The following ZNF524 variants were observed in gnomAD, a reference collection of about 807,000 sequenced individuals.
ZNF524 encodes zinc finger protein 524.
For missense variants in ZNF524, 388 were observed against 380.1 expected (o/e 1.02, Z -0.17); for synonymous variants, 194 against 166.3 (o/e 1.17, Z -1.28).
In ZNF524 at chr19:55,602,772, G is replaced by A. The variant is rs1245704248; in HGVS notation, c.660G>A (p.Lys220=). Reference sequence around the variant, plus strand: ...CGCTCCGGCGCCATGCGAAGCGCAAGCACCCGGAGGCCATGGGGGTACCCC... The same window carrying A: ...CGCTCCGGCGCCATGCGAAGCGCAAACACCCGGAGGCCATGGGGGTACCCC... ...ANTLRRHAKR[K]HPEAMGVPLC... is the part of the protein sequence containing the mutation. The change falls in exon 2 of 2, where the codon AAG becomes AAA. Residue 220 remains lysine (K), a synonymous_variant. Coordinates refer to ENST00000301073, the MANE Select transcript of ZNF524 (RefSeq NM_153219.4). The A allele has an allele frequency of 3.7e-6, 6 of 1,610,350 alleles. No homozygotes were observed. The highest frequency in any genetic ancestry group is 5.1e-6 in the Non-Finnish European group (6 of 1,179,860).
In ZNF524 at chr19:55,603,096, C is replaced by A. The variant is rs779944654; in HGVS notation, c.*189C>A. 38 of 664,338 alleles carry A rather than the reference C, an allele frequency of 5.7e-5. No individual in the cohort carries two copies. Among genetic ancestry groups the A allele is most frequent in the Non-Finnish European group, 4.9e-5 (19 of 388,988 alleles). 41.2% of individuals were successfully genotyped at this position (664,338 alleles called of 1,614,324 possible). The stretch of plus-strand genomic sequence containing the variant: ...GCCCCCCTCCCCCAGACTAACAGAC[C>A]CTTGGAGGCAGGGGCTGTGGAAATA... On this transcript the variant is annotated 3_prime_UTR_variant, in exon 2 of 2. Transcript: ENST00000301073.
rs1290154786 is a variant in ZNF524, at chr19:55,602,420, G to T, written c.308G>T (p.Gly103Val). 3.8e-6 allele frequency: 6 copies of T among 1,591,484 alleles called. No homozygotes were observed. The South Asian group carries it at 5.7e-5, about 15-fold the overall frequency. The change falls in exon 2 of 2, where the codon GGG becomes GTG. Residue 103 changes from glycine to valine, a missense_variant. Transcript: ENST00000301073. ...ACGGTCTCTGAAGGTTCAGCGGCTG[G>T]GCCTGAGGGCTCTGGCCCCAGGAAG... Reference protein sequence around the residue: ...PYTVSEGSAAGPEGSGPRKAP... With the variant: ...PYTVSEGSAAVPEGSGPRKAP...
rs562447509 is a variant in ZNF524 at position 55,602,658 on chromosome 19, G to A, written c.546G>A (p.Ala182=). The change falls in exon 2 of 2, where the codon GCG becomes GCA. Residue 182 remains alanine, a synonymous_variant. Transcript: ENST00000301073. ...CPLCPRRFRE[A]GELAHHHRVH... ...TGTGCCCCCGCCGCTTCCGCGAGGCGGGCGAGCTGGCGCACCACCACCGCG... is the reference window on the plus strand; with the variant it reads ...TGTGCCCCCGCCGCTTCCGCGAGGCAGGCGAGCTGGCGCACCACCACCGCG... 5 of 1,594,078 alleles carry A rather than the reference G, an allele frequency of 3.1e-6. No individual in the cohort carries two copies. The highest frequency in any genetic ancestry group is 2.6e-6 in the Non-Finnish European group (3 of 1,175,990).
At position 55,602,748 on chromosome 19, in the gene ZNF524, G is replaced by T. The variant is rs925661964; in HGVS notation, c.636G>T (p.Thr212=). The T allele has an allele frequency of 3.1e-6, 5 of 1,608,282 alleles. No individual in the cohort carries two copies. Among genetic ancestry groups the T allele is most frequent in the Non-Finnish European group, 4.2e-6 (5 of 1,179,822 alleles). Reference sequence around the variant, plus strand: ...GGCTGCGCTTTACAGAGGCCAACACGCTCCGGCGCCATGCGAAGCGCAAGC... The same window carrying T: ...GGCTGCGCTTTACAGAGGCCAACACTCTCCGGCGCCATGCGAAGCGCAAGC... ...ICRLRFTEAN[T]LRRHAKRKHP... is the part of the protein sequence containing the mutation. Residue 212 remains threonine, a synonymous_variant, in exon 2 of 2, where the codon ACG becomes ACT. Transcript: ENST00000301073.
upstream of ZNF524, chr19:55,600,229 A>G (rs1436204600): frequency 6.7e-6 from 1 of 148,908 alleles, no homozygotes; most frequent in Non-Finnish European, 1.5e-5. Flanking sequence ...GGCGGGCGGG[A>G]AGGGCAGGAA....
upstream of ZNF524, chr19:55,600,256 T>C (rs1037505036): frequency 6.7e-6 from 1 of 149,512 alleles, no homozygotes; most frequent in Non-Finnish European, 1.5e-5. Context: ...GGCCCGGCGC[T>C]TCTCCGAGGG....
chr19:55,602,759 A>C lies in ZNF524; in HGVS notation c.647A>C (p.His216Pro), dbSNP rs747796764. Residue 216 changes from histidine to proline, a missense_variant, in exon 2 of 2, where the codon CAT (histidine) becomes CCT (proline). By Grantham distance (77) the His-to-Pro change is moderately conservative. Transcript: ENST00000301073. Reference protein sequence around the residue: ...RFTEANTLRRHAKRKHPEAMG... With the variant: ...RFTEANTLRRPAKRKHPEAMG... ...ACAGAGGCCAACACGCTCCGGCGCC[A>C]TGCGAAGCGCAAGCACCCGGAGGCC... The C allele has an allele frequency of 6.2e-7, 1 of 1,609,728 alleles. No homozygotes were observed. The highest frequency in any genetic ancestry group is 1.1e-5 in the South Asian group (1 of 91,030).
At chr19:55,600,250 C>G (rs2123567559), upstream of ZNF524, 1 of 150,674 alleles carries the variant, frequency 6.6e-6, no homozygotes, top group East Asian at 2.0e-4. Flanking sequence ...GGGAGGGGCC[C>G]GGCGCTTCTC....
intron 1 of ZNF524, 37 bp from the exon 2 acceptor site, chr19:55,602,038 C>T: frequency 7.2e-7 from 1 of 1,397,544 alleles, no homozygotes; most frequent in African/African-American, 1.4e-5. Flanking sequence ...GTGCTCTAGA[C>T]CCTGTGAGCA....
At position 55,602,505 on chromosome 19, in the gene ZNF524, C is replaced by T. The variant is rs1457648849; in HGVS notation, c.393C>T (p.Arg131=). 1.3e-6 allele frequency: 2 copies of T among 1,598,164 alleles called. No homozygotes were observed. The highest frequency in any genetic ancestry group is 2.7e-5 in the African/African-American group (2 of 74,778). The change falls in exon 2 of 2, where the codon CGC becomes CGT. Residue 131 remains arginine (R), a synonymous_variant. Transcript: ENST00000301073. ...RAFPYLSDLE[R]HSISHSELKP... Reference sequence around the variant, plus strand: ...TCCCCTACCTCTCCGACCTGGAGCGCCACAGCATCTCGCACTCAGAGCTGA... The same window carrying T: ...TCCCCTACCTCTCCGACCTGGAGCGTCACAGCATCTCGCACTCAGAGCTGA...
At position 55,602,182 on chromosome 19, in the gene ZNF524, T is replaced by A; in HGVS notation, c.70T>A (p.Ser24Thr). The change falls in exon 2 of 2, where the codon TCT becomes ACT. Residue 24 changes from serine to threonine, a missense_variant. Coordinates refer to ENST00000301073, the MANE Select transcript of ZNF524 (RefSeq NM_153219.4). ...PGEEEKPLAL[S>T]PPVPRGRRGR... ...GGAGGAAGAGAAACCTCTGGCCTTA[T>A]CTCCTCCTGTTCCCCGGGGCCGCCG... The A allele has an allele frequency of 6.2e-7, 1 of 1,608,302 alleles. No homozygotes were observed. Among genetic ancestry groups the A allele is most frequent in the East Asian group, 2.2e-5 (1 of 44,850 alleles).
Position 55,602,246 on chromosome 19 carries a change from C to T in ZNF524, c.134C>T (p.Thr45Ile). 6.2e-7 allele frequency: 1 copy of T among 1,611,056 alleles called. No individual in the cohort carries two copies. Among genetic ancestry groups the T allele is most frequent in the South Asian group, 1.1e-5 (1 of 90,688 alleles). ...RPGGATSSNRTLKASLPRKRG... is the reference protein window; with the variant it reads ...RPGGATSSNRILKASLPRKRG... ...GGGGGAGCCACCTCCTCAAATCGGA[C>T]ACTCAAGGCCTCCCTCCCTCGCAAG... The change falls in exon 2 of 2, where the codon ACA (threonine) becomes ATA (isoleucine). Residue 45 changes from threonine to isoleucine, a missense_variant. Coordinates refer to ENST00000301073, the MANE Select transcript of ZNF524 (RefSeq NM_153219.4).
chr19:55,601,930 A>G, intron 1 of ZNF524, 145 bp from the exon 2 acceptor site: 2 of 506,052 alleles, frequency 4.0e-6, no homozygotes, highest in Non-Finnish European at 6.8e-6. Flanking sequence ...TGTTTTACCC[A>G]CCAGCATAGC....
chr19:55,601,984 G>A (rs1005538063), intron 1 of ZNF524, 91 bp from the exon 2 acceptor site: 9 of 811,374 alleles, frequency 1.1e-5, no homozygotes, highest in African/African-American at 1.8e-5. Context: ...CCTTTGTCAA[G>A]AGACTTGGAG....
rs776820725 is a variant in ZNF524 at position 55,602,275 on chromosome 19, G to A, written c.163G>A (p.Gly55Ser). The A allele has an allele frequency of 1.9e-6, 3 of 1,595,114 alleles. No homozygotes were observed. Among genetic ancestry groups the A allele is most frequent in the African/African-American group, 1.3e-5 (1 of 74,436 alleles). ...TLKASLPRKRGRPPKSGQEPP... is the reference protein window; with the variant it reads ...TLKASLPRKRSRPPKSGQEPP... ...CAAGGCCTCCCTCCCTCGCAAGCGG[G>A]GCCGCCCCCCCAAGTCAGGGCAGGA... is the stretch of plus-strand genomic sequence containing the variant. Residue 55 changes from glycine (G) to serine (S), a missense_variant, in exon 2 of 2, where the codon GGC becomes AGC. Physicochemically the swap from Gly to Ser is moderately conservative, Grantham distance 56. Coordinates refer to ENST00000301073, the MANE Select transcript of ZNF524 (RefSeq NM_153219.4).
In ZNF524 at chr19:55,600,317, C is replaced by A. The variant is rs1336524285; in HGVS notation, c.-130C>A. 6.7e-6 allele frequency: 1 copy of A among 149,832 alleles called. No homozygotes were observed. 9.3% of individuals were successfully genotyped at this position (149,832 alleles called of 1,614,324 possible). On this transcript the variant is annotated 5_prime_UTR_variant, in exon 1 of 2. Coordinates refer to ENST00000301073, the MANE Select transcript of ZNF524 (RefSeq NM_153219.4). ...CCCCCGCCTCGCCGCCGCCGAGGGG[C>A]AGGGCCCCCTCACCCCCTCCCCTTC...
intron 1 of ZNF524, chr19:55,601,292 T>C (rs1330080744): frequency 1.3e-5 from 2 of 152,210 alleles, no homozygotes; most frequent in African/African-American, 2.4e-5. Context: ...ATCTGCAAAA[T>C]GGGACAGATA....
Position 55,602,708 on chromosome 19 carries a change from A to T in ZNF524, c.596A>T (p.Gln199Leu). ...GTGCACTCGGGGGAGCGCCCGTACC[A>T]GTGCCCCATCTGCCGGCTGCGCTTT... The part of the protein sequence containing the change: ...HRVHSGERPY[Q>L]CPICRLRFTE... Residue 199 changes from glutamine (Q) to leucine (L), a missense_variant, in exon 2 of 2, where the codon CAG becomes CTG. Coordinates refer to ENST00000301073, the MANE Select transcript of ZNF524 (RefSeq NM_153219.4). The T allele has an allele frequency of 6.2e-7, 1 of 1,603,602 alleles. No individual in the cohort carries two copies. Among genetic ancestry groups the T allele is most frequent in the Non-Finnish European group, 8.5e-7 (1 of 1,179,564 alleles).
chr19:55,600,809 A>G (rs1396996804), intron 1 of ZNF524: 1 of 141,134 alleles, frequency 7.1e-6, no homozygotes, highest in Non-Finnish European at 1.5e-5. Flanking sequence ...ACAGCAGTCT[A>G]TGTGGCTGTT....
Sources: allele counts gnomAD v4.1 joint callset, GRCh38; gene constraint gnomAD v4.1.1; transcripts MANE v1.5; gene names NCBI Gene and HGNC (gene_info 2026-07-23, HGNC 2026-07-21).